The following CORO2B variants were observed in gnomAD, a reference collection of about 807,000 sequenced individuals.
The protein encoded by CORO2B is coronin 2B, also known as coronin-2B.
In CORO2B, 26 loss-of-function variants were observed where a neutral mutation model predicts 58.8. That is an observed-to-expected ratio of 0.44 (90% CI 0.32 to 0.61). The LOEUF (loss-of-function observed/expected upper bound fraction) is 0.61. Among genes scored for constraint, CORO2B ranks in the 20% least tolerant of loss-of-function variants. The pLI, the probability that CORO2B is intolerant of heterozygous loss-of-function variation, is 0.04. For missense variants in CORO2B, 460 were observed against 645.1 expected, an observed-to-expected ratio of 0.71 and a Z score of 3.11; for synonymous variants, 242 against 253.8, an observed-to-expected ratio of 0.95 and a Z score of 0.44.
At chr15:68,605,100 C>G (rs183363701) in intron 1 of CORO2B, among the ~76,000 whole-genome samples, 2 of 147,816 alleles carry the variant, frequency 1.4e-5, no homozygotes, top group South Asian at 2.1e-4. Context: ...GGCAACAGAG[C>G]GAGACTCCGT....
the CORO2B span, among the ~76,000 whole-genome samples, chr15:68,538,478 T>A: frequency 6.6e-6 from 1 of 152,196 alleles, no homozygotes; most frequent in Admixed American, 6.5e-5. Context: ...CCTGGGCTGG[T>A]GACTGTGAGG....
At chr15:68,548,722 A>G in the CORO2B span, among the ~76,000 whole-genome samples, 2 of 152,226 alleles carry the variant, frequency 1.3e-5, no homozygotes, top group African/African-American at 4.8e-5. Flanking sequence ...ATCTTTCCTG[A>G]TACTCAATAC....
At position 68,715,324 on chromosome 15, in the gene CORO2B, G is replaced by A. The variant is rs761824362; in HGVS notation, c.967+13G>A. ...CAGAAAGGCCTAGGTAAGTGGCCCC[G>A]AGGCTGCCACAGCTGGTGTGCTCAT... On this transcript the variant is annotated intron_variant, in intron 8 of 11. Transcript: ENST00000261861. 5.7e-5 allele frequency: 91 copies of A among 1,591,424 alleles called. No homozygotes were observed. Among genetic ancestry groups the A allele is most frequent in the Middle Eastern group, 1.7e-4 (1 of 6,046 alleles).
chr15:68,703,070 A>G (rs774599840), intron 3 of CORO2B, among the ~76,000 whole-genome samples: 3,933 of 145,552 alleles, frequency 0.027, 166 homozygotes, highest in African/African-American at 0.092. Flanking sequence ...CAAGTGATCC[A>G]CCCGCCTCGC....
chr15:68,650,407 T>C (rs866582854), intron 2 of CORO2B, among the ~76,000 whole-genome samples: 7 of 99,664 alleles, frequency 7.0e-5, no homozygotes, highest in African/African-American at 2.5e-4. Flanking sequence ...AAAAAAAAAA[T>C]GGAGACATTC....
At chr15:68,651,949 C>T (rs767795196) in intron 2 of CORO2B, among the ~76,000 whole-genome samples, 7 of 152,210 alleles carry the variant, frequency 4.6e-5, no homozygotes, top group Non-Finnish European at 7.3e-5. Context: ...ACAACAACCG[C>T]GAAGATGCTT....
At chr15:68,604,921 C>G (rs1438708213) in intron 1 of CORO2B, among the ~76,000 whole-genome samples, 1 of 151,998 alleles carries the variant, frequency 6.6e-6, no homozygotes, top group Non-Finnish European at 1.5e-5. Context: ...CAAGACCAAT[C>G]TGGCCAACAT....
chr15:68,695,354 C>T (rs1185255170), intron 3 of CORO2B, 98 bp downstream of exon 3: 2 of 843,956 alleles, frequency 2.4e-6, no homozygotes, highest in Admixed American at 1.8e-5. Context: ...CACCCTTTGC[C>T]CTTCTTCCCT....
At chr15:68,673,566 C>T (rs1596005129) in intron 2 of CORO2B, among the ~76,000 whole-genome samples, 1 of 151,938 alleles carries the variant, frequency 6.6e-6, no homozygotes, top group African/African-American at 2.4e-5. Context: ...GGCCGGGCTC[C>T]GTGGCACATG....
chr15:68,569,150 C>T, the CORO2B span, among the ~76,000 whole-genome samples: 1 of 152,148 alleles, frequency 6.6e-6, no homozygotes, highest in African/African-American at 2.4e-5. Context: ...CATTATCACC[C>T]AGAGTCCAGA....
In CORO2B at chr15:68,714,582, C is replaced by G. The variant is rs372424321; in HGVS notation, c.789C>G (p.Ile263Met). Reference protein sequence around the residue: ...WDQEDLSMPLIEEEIDGLSGL... With the variant: ...WDQEDLSMPLMEEEIDGLSGL... ...AGGAGGACCTCTCCATGCCCCTGAT[C>G]GAAGAGGAAATTGATGGGCTCTCTG... Residue 263 changes from isoleucine to methionine, a missense_variant, in exon 7 of 12, where the codon ATC becomes ATG. This residue lies in a region of CORO2B where 352 missense variants were observed against 543.0 expected (regional missense o/e 0.65). Coordinates refer to ENST00000261861, the MANE Select transcript of CORO2B (RefSeq NM_006091.5). 4 of 1,613,888 alleles carry G rather than the reference C, an allele frequency of 2.5e-6. No homozygotes were observed. The highest frequency in any genetic ancestry group is 2.5e-6 in the Non-Finnish European group (3 of 1,179,914).
chr15:68,663,617 A>G (rs1902085606), intron 2 of CORO2B, among the ~76,000 whole-genome samples: 1 of 152,220 alleles, frequency 6.6e-6, no homozygotes, highest in Admixed American at 6.5e-5. Flanking sequence ...TCATCGAAAG[A>G]TTCATTAACA....
chr15:68,640,785 A>G (rs761785221), intron 1 of CORO2B, among the ~76,000 whole-genome samples: 1 of 152,228 alleles, frequency 6.6e-6, no homozygotes. Flanking sequence ...GGCAGGAGTC[A>G]TGATTTTTGC....
At chr15:68,565,306 T>C in the CORO2B span, among the ~76,000 whole-genome samples, 1 of 120,798 alleles carries the variant, frequency 8.3e-6, no homozygotes, top group East Asian at 3.8e-4. Context: ...TCCTTATTTT[T>C]CTTTTTATTT....
chr15:68,633,365 A>T (rs1900908904), intron 1 of CORO2B, among the ~76,000 whole-genome samples: 1 of 152,142 alleles, frequency 6.6e-6, no homozygotes, highest in South Asian at 2.1e-4. Context: ...GACAGTTATC[A>T]CGGATGTTTT....
At chr15:68,719,995 C>T (rs1165858091) in intron 11 of CORO2B, among the ~76,000 whole-genome samples, 1 of 152,228 alleles carries the variant, frequency 6.6e-6, no homozygotes, top group Non-Finnish European at 1.5e-5. Context: ...CTCTGTACCA[C>T]TTGGAATGGG....
At chr15:68,546,500 G>T in the CORO2B span, among the ~76,000 whole-genome samples, 1 of 152,128 alleles carries the variant, frequency 6.6e-6, no homozygotes, top group South Asian at 2.1e-4. Context: ...ACTGTGTGTG[G>T]GTTTTCCCCA....
intron 1 of CORO2B, among the ~76,000 whole-genome samples, chr15:68,608,938 G>A (rs1900186083): frequency 9.1e-6 from 1 of 109,862 alleles, no homozygotes; most frequent in African/African-American, 4.0e-5. Context: ...GTACTAGGAA[G>A]AGAGAGAGAG....
intron 10 of CORO2B, 81 bp downstream of exon 10, chr15:68,719,315 T>C (rs1008117508): frequency 4.5e-5 from 72 of 1,598,232 alleles, no homozygotes; most frequent in Non-Finnish European, 6.1e-5. Context: ...TCTCCTTGTC[T>C]GTCCCCCTGT....
Sources: allele counts gnomAD v4.1 joint callset (sites outside exome capture counted in the v4.1 genomes callset), GRCh38; gene constraint gnomAD v4.1.1; regional missense constraint gnomAD v4.1.1; transcripts MANE v1.5; gene names NCBI Gene and HGNC (gene_info 2026-07-23, HGNC 2026-07-21).